Variants in TASP1 observed in about 807,000 individuals in gnomAD.
TASP1 encodes threonine aspartase 1.
In TASP1, 16 loss-of-function variants were observed where a neutral mutation model predicts 56.6. That is an observed-to-expected ratio of 0.28 (90% CI 0.19 to 0.43). The LOEUF (loss-of-function observed/expected upper bound fraction) is 0.43, where lower values mean the gene tolerates loss of function less well. Ranked by LOEUF, TASP1 falls within the 20% of genes least tolerant of loss-of-function variation. The probability of loss-of-function intolerance (pLI) is 1.00; values close to 1 mark genes in which losing one functional copy is unlikely to be tolerated. For missense variants in TASP1, 393 were observed against 511.6 expected, an observed-to-expected ratio of 0.77 and a Z score of 2.24; for synonymous variants, 179 against 184.2, an observed-to-expected ratio of 0.97 and a Z score of 0.23.
chr20:13,379,808 A>G, the TASP1 span, among the ~76,000 whole-genome samples: 1 of 151,562 alleles, frequency 6.6e-6, no homozygotes, highest in Non-Finnish European at 1.5e-5. Context: ...TTGTCTTCAC[A>G]TTTTATTTAA....
the TASP1 span, among the ~76,000 whole-genome samples, chr20:13,302,651 C>T: frequency 6.6e-6 from 1 of 152,178 alleles, no homozygotes; most frequent in Admixed American, 6.5e-5. Flanking sequence ...GGAATGTCTG[C>T]AGTCTCGTTG....
the TASP1 span, among the ~76,000 whole-genome samples, chr20:13,264,145 G>A: frequency 2.0e-5 from 3 of 152,210 alleles, no homozygotes; most frequent in Admixed American, 6.5e-5. Flanking sequence ...GGGGGAAGGA[G>A]GAGGGAGTTT....
the TASP1 span, among the ~76,000 whole-genome samples, chr20:13,302,420 G>A: frequency 6.6e-6 from 1 of 152,126 alleles, no homozygotes; most frequent in African/African-American, 2.4e-5. Flanking sequence ...GCTTTAGTGG[G>A]CCAATGAGTG....
chr20:13,553,934 T>C (rs578041378), intron 8 of TASP1, among the ~76,000 whole-genome samples: 10 of 152,206 alleles, frequency 6.6e-5, no homozygotes, highest in Non-Finnish European at 1.5e-4. Flanking sequence ...CCTAGGCTCC[T>C]TTGCAGCTGG....
chr20:13,534,700 C>A (rs2045349351), intron 8 of TASP1, among the ~76,000 whole-genome samples: 1 of 152,152 alleles, frequency 6.6e-6, no homozygotes, highest in South Asian at 2.1e-4. Flanking sequence ...TCCCTTCTCT[C>A]CTATAACAGT....
the TASP1 span, chr20:13,222,035 G>A: frequency 1.0e-6 from 1 of 983,528 alleles, no homozygotes; most frequent in African/African-American, 1.7e-5. Flanking sequence ...AAGAGCAACT[G>A]TTTTGGCAGT....
the TASP1 span, among the ~76,000 whole-genome samples, chr20:13,334,584 G>A: frequency 5.3e-5 from 8 of 152,072 alleles, no homozygotes; most frequent in African/African-American, 1.7e-4. Flanking sequence ...AAGATTATTA[G>A]TATTATATTT....
At chr20:13,215,751 T>C in the TASP1 span, among the ~76,000 whole-genome samples, 2 of 152,220 alleles carry the variant, frequency 1.3e-5, no homozygotes, top group Admixed American at 1.3e-4. Flanking sequence ...TAGGGGCTTT[T>C]AGCATGAAGT....
At chr20:13,557,451 G>A in intron 8 of TASP1, among the ~76,000 whole-genome samples, 1 of 151,570 alleles carries the variant, frequency 6.6e-6, no homozygotes, top group Non-Finnish European at 1.5e-5. Context: ...TAACTGGAAA[G>A]CAGCATGAAA....
At chr20:13,359,523 CCTT>C in the TASP1 span, among the ~76,000 whole-genome samples, 3 of 151,558 alleles carry the variant, frequency 2.0e-5, no homozygotes, top group Non-Finnish European at 4.4e-5. Flanking sequence ...AAGCCCGTCC[CCTT>C]CTTAATCAAT....
chr20:13,122,329 G>GAGTA, the TASP1 span, among the ~76,000 whole-genome samples: 1 of 152,222 alleles, frequency 6.6e-6, no homozygotes, highest in Admixed American at 6.5e-5. Flanking sequence ...CCATATAGAT[G>GAGTA]AGTAGATCAG....
chr20:13,405,621 A>C (rs1242953187), intron 13 of TASP1, among the ~76,000 whole-genome samples: 1 of 151,952 alleles, frequency 6.6e-6, no homozygotes, highest in African/African-American at 2.4e-5. Flanking sequence ...ATCTCGGCTC[A>C]CTGCAACCTC....
the TASP1 span, among the ~76,000 whole-genome samples, chr20:13,146,771 G>C: frequency 6.6e-6 from 1 of 152,132 alleles, no homozygotes; most frequent in Admixed American, 6.5e-5. Flanking sequence ...TACATAGTGA[G>C]TACTTTTCAT....
At position 13,587,352 on chromosome 20, in the gene TASP1, C is replaced by T; in HGVS notation, c.301G>A (p.Ala101Thr). The T allele has an allele frequency of 6.2e-7, 1 of 1,606,272 alleles. No homozygotes were observed. Among genetic ancestry groups the T allele is most frequent in the Non-Finnish European group, 8.5e-7 (1 of 1,176,590 alleles). ...AGATTTAGATTAGATCCCATTCCTG[C>T]ATTTGTAAAAGGAGAATCCTAAAAG... ...VELEDSPFTN[A>T]GMGSNLNLLG... Residue 101 changes from alanine (A) to threonine (T), a missense_variant, in exon 5 of 14, where the codon GCA becomes ACA. Transcript: ENST00000337743.
the TASP1 span, among the ~76,000 whole-genome samples, chr20:13,330,455 TGA>T: frequency 0.11 from 17,222 of 152,228 alleles, 1,369 homozygotes; most frequent in Non-Finnish European, 0.17. Flanking sequence ...TCTATATTTA[TGA>T]GAGATATTAG....
chr20:13,422,283 A>G (rs1259359114), intron 12 of TASP1, among the ~76,000 whole-genome samples: 1 of 152,168 alleles, frequency 6.6e-6, no homozygotes, highest in Non-Finnish European at 1.5e-5. Context: ...AACACTAGCC[A>G]AGAAGGGTTT....
At chr20:13,137,120 C>T in the TASP1 span, among the ~76,000 whole-genome samples, 1 of 152,164 alleles carries the variant, frequency 6.6e-6, no homozygotes, top group African/African-American at 2.4e-5. Context: ...TCAATCTGGG[C>T]TTCCTTTACC....
At chr20:13,156,821 C>A in the TASP1 span, among the ~76,000 whole-genome samples, 1 of 152,100 alleles carries the variant, frequency 6.6e-6, no homozygotes, top group Non-Finnish European at 1.5e-5. Flanking sequence ...TTCAACTGAG[C>A]GCAAGGTTGA....
At chr20:13,439,887 C>T (rs973693938) in intron 11 of TASP1, among the ~76,000 whole-genome samples, 1 of 151,808 alleles carries the variant, frequency 6.6e-6, no homozygotes, top group Non-Finnish European at 1.5e-5. Context: ...AGAAATAATT[C>T]AAAAACATTT....
Sources: allele counts gnomAD v4.1 joint callset (sites outside exome capture counted in the v4.1 genomes callset), GRCh38; gene constraint gnomAD v4.1.1; transcripts MANE v1.5; gene names NCBI Gene and HGNC (gene_info 2026-07-23, HGNC 2026-07-21).